NCAPD2: variants seen among roughly 807,000 people sequenced by gnomAD.
NCAPD2 encodes the protein non-SMC condensin I complex subunit D2, also known as condensin complex subunit 1.
Under a neutral mutation model 164.5 loss-of-function variants are expected in NCAPD2, and 100 were observed. The observed-to-expected ratio is 0.61, with a 90% CI of 0.52 to 0.72. The LOEUF (loss-of-function observed/expected upper bound fraction) is 0.72, where lower values mean the gene tolerates loss of function less well. Among genes scored for constraint, NCAPD2 ranks in the 30% least tolerant of loss-of-function variants. The pLI is 0.00. For synonymous variants in NCAPD2, 585 were observed against 642.6 expected (o/e 0.91, Z 1.36); for missense variants, 1,560 against 1,749.2 (o/e 0.89, Z 1.93).
chr12:6,508,213 G>A (rs937797881), intron 2 of NCAPD2, among the ~76,000 whole-genome samples: 5 of 151,910 alleles, frequency 3.3e-5, no homozygotes, highest in Non-Finnish European at 5.9e-5. Context: ...TCCTAGCTAC[G>A]TGGGAGGCTG....
intron 2 of NCAPD2, among the ~76,000 whole-genome samples, chr12:6,501,326 C>T (rs544476024): frequency 3.3e-5 from 5 of 149,552 alleles, no homozygotes; most frequent in Admixed American, 6.7e-5. Flanking sequence ...CTGCAAGCTC[C>T]GCCTCCCAGG....
intron 2 of NCAPD2, among the ~76,000 whole-genome samples, chr12:6,508,747 T>C (rs1024847100): frequency 2.6e-5 from 4 of 152,172 alleles, no homozygotes; most frequent in African/African-American, 9.7e-5. Flanking sequence ...AAAATAATAA[T>C]GTTACAGTGG....
At chr12:6,520,283 C>G (rs975839999) in intron 13 of NCAPD2, among the ~76,000 whole-genome samples, 1 of 151,842 alleles carries the variant, frequency 6.6e-6, no homozygotes, top group African/African-American at 2.4e-5. Flanking sequence ...ACTCTTTTGC[C>G]CATGCTGGAG....
At chr12:6,515,424 A>C (rs569148133) in intron 9 of NCAPD2, among the ~76,000 whole-genome samples, 12 of 152,022 alleles carry the variant, frequency 7.9e-5, no homozygotes, top group African/African-American at 2.9e-4. Context: ...GTCTCAAGCA[A>C]CCCTCCTGCC....
At chr12:6,525,535 C>G (rs1428361067) in intron 17 of NCAPD2, 48 bp from the exon 18 acceptor site, 2 of 1,572,138 alleles carry the variant, frequency 1.3e-6, no homozygotes, top group Non-Finnish European at 1.7e-6. Flanking sequence ...GACCAAAGAT[C>G]AAGGAATTGT....
In NCAPD2 at chr12:6,525,670, C is replaced by G. The variant is rs972819783; in HGVS notation, c.2302C>G (p.Pro768Ala). Residue 768 changes from proline to alanine, a missense_variant, in exon 18 of 32, where the codon CCT becomes GCT. Pro to Ala is a conservative substitution (Grantham distance 27). Coordinates refer to ENST00000315579, the MANE Select transcript of NCAPD2 (RefSeq NM_014865.4). ...ERATEKVACCPLERCSSVMLL... is the reference protein window; with the variant it reads ...ERATEKVACCALERCSSVMLL... ...GGCCACCGAGAAGGTCGCCTGCTGT[C>G]CTCTGGAGCGCTGTTCCTCTGTCAT... is the stretch of plus-strand genomic sequence containing the variant. 1 of 1,613,526 alleles carries G rather than the reference C, an allele frequency of 6.2e-7. No homozygotes were observed. The highest frequency in any genetic ancestry group is 1.7e-5 in the Admixed American group (1 of 59,982).
chr12:6,502,279 G>A (rs747757297), intron 2 of NCAPD2, among the ~76,000 whole-genome samples: 6 of 152,150 alleles, frequency 3.9e-5, no homozygotes, highest in Non-Finnish European at 7.4e-5. Flanking sequence ...TAGAGCTTGG[G>A]GCAGTTGAAA....
intron 2 of NCAPD2, among the ~76,000 whole-genome samples, chr12:6,501,178 A>G (rs1019691728): frequency 3.4e-5 from 5 of 146,502 alleles, no homozygotes; most frequent in Non-Finnish European, 5.9e-5. Context: ...CTCATGCCTC[A>G]GCCACCTGAG....
chr12:6,510,192 C>G, intron 4 of NCAPD2, 59 bp downstream of exon 4: 1 of 1,503,714 alleles, frequency 6.7e-7, no homozygotes, highest in Non-Finnish European at 9.3e-7. Flanking sequence ...GTTTGTTTGT[C>G]TGTTTGTTTG....
chr12:6,522,053 T>A lies in NCAPD2; in HGVS notation c.1954+16T>A. ...ACAACTACAGGTATGCCAGAGTCCC[T>A]TTCTATAAGGACAGCCTTGGGGTTC... is the stretch of plus-strand genomic sequence containing the variant. On this transcript the variant is annotated intron_variant, in intron 15 of 31. Coordinates refer to ENST00000315579, the MANE Select transcript of NCAPD2 (RefSeq NM_014865.4). The A allele has an allele frequency of 6.2e-7, 1 of 1,611,622 alleles. No homozygotes were observed. The highest frequency in any genetic ancestry group is 8.5e-7 in the Non-Finnish European group (1 of 1,178,110).
rs1565544180 is a variant in NCAPD2, at chr12:6,518,517, T to TG, written c.1589+558_1589+559insG. Among the ~76,000 whole-genome samples, 185 of 113,070 alleles carry TG rather than the reference T, an allele frequency of 1.6e-3. 3 individuals are homozygous for TG. The highest frequency in any genetic ancestry group is 6.5e-3 in the African/African-American group (177 of 27,390). 74.2% of individuals were successfully genotyped at this position (113,070 alleles called of 152,430 possible). On this transcript the variant is annotated intron_variant, in intron 13 of 31. Transcript: ENST00000315579. ...AGCCGTCAACAAGTTTTTTTTTTTT[T>TG]TTTTTTTTTTTTTTTTTGAGATGGA... is the stretch of plus-strand genomic sequence containing the variant.
Position 6,523,360 on chromosome 12 carries a change from C to G in NCAPD2, c.2214+14C>G. 6.6e-7 allele frequency: 1 copy of G among 1,520,136 alleles called. No homozygotes were observed. The highest frequency in any genetic ancestry group is 1.1e-5 in the South Asian group (1 of 87,240). The allele number at this position is 1,520,136 out of a possible 1,614,324, so 94.2% of individuals were successfully genotyped here. ...CTTGAGGAAATTGTAAGGCTTCCTGCTTTCTCTTTCTTTATTCATTCAACA... is the reference window on the plus strand; with the variant it reads ...CTTGAGGAAATTGTAAGGCTTCCTGGTTTCTCTTTCTTTATTCATTCAACA... On this transcript the variant is annotated intron_variant, in intron 17 of 31. Coordinates refer to ENST00000315579, the MANE Select transcript of NCAPD2 (RefSeq NM_014865.4).
At chr12:6,521,200 CAG>C (rs2137055347) in intron 14 of NCAPD2, 90 bp downstream of exon 14, 1 of 1,488,984 alleles carries the variant, frequency 6.7e-7, no homozygotes, top group Non-Finnish European at 9.1e-7. Flanking sequence ...GCCTGGTTAA[CAG>C]AACCTGGTGC....
In NCAPD2 at chr12:6,517,576, C is replaced by A. The variant is rs1329803311; in HGVS notation, c.1321-20C>A. 6.2e-7 allele frequency: 1 copy of A among 1,614,186 alleles called. No homozygotes were observed. Among genetic ancestry groups the A allele is most frequent in the African/African-American group, 1.3e-5 (1 of 75,060 alleles). On this transcript the variant is annotated intron_variant, in intron 11 of 31. Coordinates refer to ENST00000315579, the MANE Select transcript of NCAPD2 (RefSeq NM_014865.4). ...GAAATTATGTCATTTACTGACCCTG[C>A]TATTCATTTTACCTGATAGCTTAGT...
At chr12:6,516,594 A>C (rs1188311602) in intron 9 of NCAPD2, among the ~76,000 whole-genome samples, 1 of 152,106 alleles carries the variant, frequency 6.6e-6, no homozygotes, top group Non-Finnish European at 1.5e-5. Context: ...TGGTGAGTGG[A>C]TGTGATTTTT....
intron 2 of NCAPD2, among the ~76,000 whole-genome samples, chr12:6,504,228 T>TACACATATATAC (rs1159424979): frequency 5.4e-5 from 3 of 55,874 alleles, no homozygotes; most frequent in African/African-American, 2.1e-4. Flanking sequence ...GATATAGATA[T>TACACATATATAC]ATATATATAT....
intron 15 of NCAPD2, 34 bp downstream of exon 15, chr12:6,522,071 TG>T: frequency 6.3e-7 from 1 of 1,579,472 alleles, no homozygotes; most frequent in Non-Finnish European, 8.6e-7. Context: ...AGGACAGCCT[TG>T]GGGTTCTTTT....
In NCAPD2 at chr12:6,522,029, C is replaced by T. The variant is rs1946267915; in HGVS notation, c.1946C>T (p.Thr649Ile). The change falls in exon 15 of 32, where the codon ACA becomes ATA. Residue 649 changes from threonine (T) to isoleucine (I), a missense_variant. Transcript: ENST00000315579. ...GIISKMMYEN[T>I]TTVVQEVIEF... Reference sequence around the variant, plus strand: ...ATCAGCAAGATGATGTATGAAAACACAACTACAGGTATGCCAGAGTCCCTT... The same window carrying T: ...ATCAGCAAGATGATGTATGAAAACATAACTACAGGTATGCCAGAGTCCCTT... 1 of 1,614,090 alleles carries T rather than the reference C, an allele frequency of 6.2e-7. No homozygotes were observed. Among genetic ancestry groups the T allele is most frequent in the South Asian group, 1.1e-5 (1 of 91,076 alleles).
chr12:6,527,130 C>A lies in NCAPD2; in HGVS notation c.2907+67C>A, dbSNP rs561176254. On this transcript the variant is annotated intron_variant, in intron 22 of 31. Transcript: ENST00000315579. ...CTCAGCTCAGAACTGAGCTGATCCC[C>A]TTCCGGCAATCTCTGCTCCTCTGCT... 3.8e-5 allele frequency: 55 copies of A among 1,459,880 alleles called. No homozygotes were observed. The Middle Eastern group carries it at 7.3e-4, about 19-fold the overall frequency. 90.4% of individuals were successfully genotyped at this position (1,459,880 alleles called of 1,614,324 possible). A position where few individuals can be genotyped will look rare whatever the true frequency, so the allele number is the denominator to read the frequency against.
Sources: gnomAD v4.1 joint callset for allele counts (sites outside exome capture counted in the v4.1 genomes callset) on GRCh38, gnomAD v4.1.1 for gene constraint, MANE v1.5 for transcripts, NCBI Gene and HGNC (gene_info 2026-07-23, HGNC 2026-07-21) for gene names.